Variants in TDRD10 observed in about 807,000 individuals in gnomAD.
The protein encoded by TDRD10 is tudor domain-containing protein 10.
In TDRD10, 40 loss-of-function variants were observed where a neutral mutation model predicts 48.0. That is an observed-to-expected ratio of 0.83 (90% confidence interval 0.65 to 1.09). TDRD10 has a LOEUF of 1.09. TDRD10 is among the 50% of genes least tolerant of loss of function. TDRD10 has a pLI of 0.00. For missense variants in TDRD10, 378 were observed against 434.7 expected, an observed-to-expected ratio of 0.87 and a Z score of 1.16; for synonymous variants, 162 against 170.4, an observed-to-expected ratio of 0.95 and a Z score of 0.38.
chr1:154,533,066 G>A lies in TDRD10; in HGVS notation c.370-8958G>A, dbSNP rs147839679. 4.4e-3 allele frequency among the ~76,000 whole-genome samples: 669 copies of A among 152,316 alleles called. 5 individuals are homozygous for A. The highest frequency in any genetic ancestry group is 0.015 in the African/African-American group (628 of 41,552). Reference sequence around the variant, plus strand: ...GTGGTTTCTATTGACACCCAGGCAGGGTGGTGGTAGGGAGAGACCGGTTTC... The same window carrying A: ...GTGGTTTCTATTGACACCCAGGCAGAGTGGTGGTAGGGAGAGACCGGTTTC... On this transcript the variant is annotated intron_variant, in intron 6 of 12. Coordinates refer to ENST00000368482, the MANE Select transcript of TDRD10 (RefSeq NM_182499.4).
intron 6 of TDRD10, among the ~76,000 whole-genome samples, chr1:154,522,174 C>T (rs1275897909): frequency 6.6e-6 from 1 of 151,970 alleles, no homozygotes; most frequent in African/African-American, 2.4e-5. Flanking sequence ...GTAGGGAGTC[C>T]AGGGTTGCTA....
At chr1:154,516,425 G>A (rs1391955312) in intron 4 of TDRD10, among the ~76,000 whole-genome samples, 2 of 152,024 alleles carry the variant, frequency 1.3e-5, no homozygotes, top group East Asian at 3.9e-4. Flanking sequence ...AGATATGGGG[G>A]TGGTGGGAGA....
At chr1:154,537,572 A>G (rs976887091) in intron 6 of TDRD10, among the ~76,000 whole-genome samples, 1 of 152,080 alleles carries the variant, frequency 6.6e-6, no homozygotes, top group Non-Finnish European at 1.5e-5. Context: ...GCGCTTAAAG[A>G]GAGATGGCCC....
At chr1:154,547,324 C>G in intron 11 of TDRD10, 85 bp from the exon 12 acceptor site, 1 of 1,473,476 alleles carries the variant, frequency 6.8e-7, no homozygotes, top group Non-Finnish European at 9.4e-7. Context: ...ACTTTCCCTG[C>G]AGCCCCCGCC....
intron 4 of TDRD10, among the ~76,000 whole-genome samples, chr1:154,516,532 T>G (rs1218046854): frequency 6.6e-6 from 1 of 151,964 alleles, no homozygotes; most frequent in African/African-American, 2.4e-5. Context: ...GTGCGGTAGT[T>G]TTTTCTGGGA....
intron 9 of TDRD10, 55 bp downstream of exon 9, chr1:154,544,165 C>T (rs1424693405): frequency 6.2e-7 from 1 of 1,611,344 alleles, no homozygotes; most frequent in Non-Finnish European, 8.5e-7. Context: ...CGTGGCCTCC[C>T]TAGGGTGGGC....
chr1:154,541,885 C>A (rs1015511370), intron 6 of TDRD10, 139 bp from the exon 7 acceptor site: 1 of 754,192 alleles, frequency 1.3e-6, no homozygotes, highest in Non-Finnish European at 2.2e-6. Context: ...ACGGATGTCT[C>A]AAAAGTCAGC....
At chr1:154,521,510 G>T (rs1377713319) in intron 6 of TDRD10, 31 bp downstream of exon 6, 1 of 1,605,912 alleles carries the variant, frequency 6.2e-7, no homozygotes, top group Admixed American at 1.7e-5. Flanking sequence ...GCTCTGGGGC[G>T]TTCCATTTTC....
At chr1:154,505,530 C>T (rs1693098965) in intron 1 of TDRD10, among the ~76,000 whole-genome samples, 1 of 152,124 alleles carries the variant, frequency 6.6e-6, no homozygotes, top group African/African-American at 2.4e-5. Context: ...TGGTTGTTCC[C>T]TCCTACACCT....
intron 1 of TDRD10, among the ~76,000 whole-genome samples, chr1:154,505,319 T>G (rs1007803524): frequency 2.0e-5 from 3 of 152,226 alleles, no homozygotes; most frequent in African/African-American, 7.2e-5. Flanking sequence ...GGATTTATGC[T>G]GGGCCTTGGC....
At position 154,543,964 on chromosome 1, in the gene TDRD10, G is replaced by A; in HGVS notation, c.505G>A (p.Gly169Arg). The A allele has an allele frequency of 6.2e-7, 1 of 1,613,958 alleles. No individual in the cohort carries two copies. The highest frequency in any genetic ancestry group is 8.5e-7 in the Non-Finnish European group (1 of 1,179,922). ...TTGCTCCCCTTGCTCTTCCCGCAGAGGGTCCTTCCTGGTGCTGCTCCTGAG... is the reference window on the plus strand; with the variant it reads ...TTGCTCCCCTTGCTCTTCCCGCAGAAGGTCCTTCCTGGTGCTGCTCCTGAG... The part of the protein sequence containing the change: ...AFFAVPLEMR[G>R]SFLVLLLREC... The change falls in exon 9 of 13, where the codon GGG (glycine) becomes AGG (arginine). Residue 169 changes from glycine (G) to arginine (R), a missense_variant and splice_region_variant. Gly to Arg is a moderately radical substitution (Grantham distance 125). This residue lies in a region of TDRD10 where 310 missense variants were observed against 323.6 expected (regional missense o/e 0.96). Coordinates refer to ENST00000368482, the MANE Select transcript of TDRD10 (RefSeq NM_182499.4).
chr1:154,520,553 G>A (rs369740977), intron 5 of TDRD10, among the ~76,000 whole-genome samples, 179 bp downstream of exon 5: 67 of 152,226 alleles, frequency 4.4e-4, no homozygotes, highest in African/African-American at 1.3e-3. Flanking sequence ...ACCCAGCAGC[G>A]AATACTGTCT....
At chr1:154,538,856 G>T (rs1489009011) in intron 6 of TDRD10, among the ~76,000 whole-genome samples, 1 of 99,896 alleles carries the variant, frequency 1.0e-5, no homozygotes, top group Non-Finnish European at 2.3e-5. Flanking sequence ...CCATCTCACG[G>T]TGCTTTGTTA....
intron 6 of TDRD10, among the ~76,000 whole-genome samples, chr1:154,540,514 A>C (rs1229392147): frequency 3.7e-5 from 2 of 53,932 alleles, no homozygotes; most frequent in Admixed American, 8.0e-4. Flanking sequence ...CTACAAAAAA[A>C]AAAAAAAAAA....
chr1:154,543,275 AAAAT>A (rs911262784), intron 8 of TDRD10, among the ~76,000 whole-genome samples: 3 of 152,124 alleles, frequency 2.0e-5, no homozygotes, highest in Non-Finnish European at 4.4e-5. Flanking sequence ...ACTCCATCTC[AAAAT>A]AAATAAATAA....
chr1:154,514,464 CAG>C (rs1340279823), intron 4 of TDRD10, among the ~76,000 whole-genome samples: 3 of 152,064 alleles, frequency 2.0e-5, no homozygotes, highest in East Asian at 1.9e-4. Flanking sequence ...GGTGGAAAGA[CAG>C]GGGAAACACA....
At chr1:154,524,003 T>TA (rs1694184383) in intron 6 of TDRD10, among the ~76,000 whole-genome samples, 1 of 152,244 alleles carries the variant, frequency 6.6e-6, no homozygotes, top group South Asian at 2.1e-4. Context: ...GCTGGACTTT[T>TA]TCATCTTTTC....
intron 6 of TDRD10, among the ~76,000 whole-genome samples, chr1:154,539,882 C>G (rs1239771130): frequency 1.3e-5 from 2 of 152,066 alleles, no homozygotes; most frequent in Non-Finnish European, 2.9e-5. Context: ...CTTAGGGGGG[C>G]CCCCAATGCC....
At chr1:154,520,457 A>C (rs751413299) in intron 5 of TDRD10, 83 bp downstream of exon 5, 1 of 1,106,670 alleles carries the variant, frequency 9.0e-7, no homozygotes, top group Non-Finnish European at 1.4e-6. Flanking sequence ...CATGTTGCAG[A>C]CTAGCCCAGC....
Sources: gnomAD v4.1 joint callset for allele counts (sites outside exome capture counted in the v4.1 genomes callset) on GRCh38, gnomAD v4.1.1 for gene constraint, gnomAD v4.1.1 regional missense constraint, MANE v1.5 for transcripts, NCBI Gene and HGNC (gene_info 2026-07-23, HGNC 2026-07-21) for gene names.